SDK1: variants seen among roughly 807,000 people sequenced by gnomAD.
The protein encoded by SDK1 is sidekick cell adhesion molecule 1.
In SDK1, 157 loss-of-function variants were observed where a neutral mutation model predicts 245.5. That is an observed-to-expected ratio of 0.64 (90% confidence interval 0.56 to 0.73). SDK1 has a LOEUF of 0.73. SDK1 is among the 30% of genes least tolerant of loss of function. The pLI is 0.00. For missense variants in SDK1, 3,583 were observed against 3,002.3 expected (o/e 1.19, Z -4.52); for synonymous variants, 1,647 against 1,278.5 (o/e 1.29, Z -6.15).
intron 28 of SDK1, among the ~76,000 whole-genome samples, chr7:4,138,003 A>T (rs1779208965): frequency 6.6e-6 from 1 of 152,214 alleles, no homozygotes; most frequent in South Asian, 2.1e-4. Context: ...ATAGGCATTC[A>T]TCTTTATGTT....
chr7:4,145,453 G>A (rs10266799), intron 28 of SDK1, among the ~76,000 whole-genome samples: 6,320 of 152,218 alleles, frequency 0.042, 427 homozygotes, highest in African/African-American at 0.14. Context: ...TGCTCGCCTC[G>A]TGCCCGCATC....
chr7:3,573,412 T>C (rs560018098), intron 1 of SDK1, among the ~76,000 whole-genome samples: 1 of 152,188 alleles, frequency 6.6e-6, no homozygotes, highest in Non-Finnish European at 1.5e-5. Context: ...GGATGATTTA[T>C]CAGCAGAAAA....
intron 1 of SDK1, among the ~76,000 whole-genome samples, chr7:3,454,193 T>C (rs1780604357): frequency 6.6e-6 from 1 of 152,096 alleles, no homozygotes; most frequent in Admixed American, 6.5e-5. Flanking sequence ...CACCATACAG[T>C]AAGAATACAT....
chr7:3,635,888 TAG>T (rs1466950062), intron 2 of SDK1, among the ~76,000 whole-genome samples: 3 of 152,180 alleles, frequency 2.0e-5, no homozygotes, highest in Non-Finnish European at 4.4e-5. Flanking sequence ...GTATTTTTTG[TAG>T]AGAGACGGTT....
chr7:3,527,071 C>G (rs184407594), intron 1 of SDK1, among the ~76,000 whole-genome samples: 119 of 152,256 alleles, frequency 7.8e-4, no homozygotes, highest in African/African-American at 2.6e-3. Flanking sequence ...CTAGTGGTCA[C>G]CAGCCCTGCT....
At chr7:3,757,275 T>A (rs116783008) in intron 4 of SDK1, among the ~76,000 whole-genome samples, 1 of 152,178 alleles carries the variant, frequency 6.6e-6, no homozygotes, top group Admixed American at 6.5e-5. Context: ...AGGAAGTCAC[T>A]TTACTTACTT....
intron 42 of SDK1, among the ~76,000 whole-genome samples, chr7:4,238,963 C>T (rs1055323603): frequency 2.6e-5 from 4 of 152,152 alleles, no homozygotes; most frequent in Non-Finnish European, 1.5e-5. Context: ...TGATGTTTTG[C>T]TGTGGCTCAG....
chr7:4,211,469 T>C (rs1328494744), intron 38 of SDK1, among the ~76,000 whole-genome samples: 1 of 151,700 alleles, frequency 6.6e-6, no homozygotes. Flanking sequence ...GGGGTGTGTA[T>C]TGAAGGTGGA....
intron 22 of SDK1, among the ~76,000 whole-genome samples, chr7:4,082,130 AG>A (rs1348248535): frequency 6.6e-6 from 1 of 151,930 alleles, no homozygotes; most frequent in African/African-American, 2.4e-5. Flanking sequence ...AGTGACTGGG[AG>A]GGGGCCACCT....
chr7:3,429,732 G>A (rs944515878), intron 1 of SDK1, among the ~76,000 whole-genome samples: 1 of 151,782 alleles, frequency 6.6e-6, no homozygotes, highest in African/African-American at 2.4e-5. Flanking sequence ...GAGTAGCTGG[G>A]ATTACAGGTG....
At chr7:3,776,014 A>G (rs539680112) in intron 4 of SDK1, among the ~76,000 whole-genome samples, 2 of 152,372 alleles carry the variant, frequency 1.3e-5, no homozygotes, top group South Asian at 4.1e-4. Context: ...AATCACGTGT[A>G]ACGTATTTCC....
At chr7:3,357,017 T>A (rs1164867177) in intron 1 of SDK1, among the ~76,000 whole-genome samples, 1 of 130,960 alleles carries the variant, frequency 7.6e-6, no homozygotes, top group Non-Finnish European at 1.5e-5. Context: ...ATAGTGCCAC[T>A]GCACTCCAGC....
intron 4 of SDK1, among the ~76,000 whole-genome samples, chr7:3,763,875 C>T (rs554818427): frequency 6.6e-6 from 1 of 152,080 alleles, no homozygotes; most frequent in Admixed American, 6.5e-5. Flanking sequence ...CATGATTTTA[C>T]GAATGTATGC....
At chr7:3,731,489 G>A (rs577896572) in intron 4 of SDK1, among the ~76,000 whole-genome samples, 1 of 152,264 alleles carries the variant, frequency 6.6e-6, no homozygotes, top group Non-Finnish European at 1.5e-5. Context: ...GCCAGATGAC[G>A]TTTCTTCTGC....
At chr7:3,893,336 C>G (rs867621759) in intron 5 of SDK1, among the ~76,000 whole-genome samples, 1 of 151,982 alleles carries the variant, frequency 6.6e-6, no homozygotes, top group Non-Finnish European at 1.5e-5. Context: ...TCAGGATGGC[C>G]GGGGGGAGGA....
At chr7:3,795,212 G>T (rs1375322499) in intron 4 of SDK1, among the ~76,000 whole-genome samples, 3 of 152,126 alleles carry the variant, frequency 2.0e-5, no homozygotes, top group Non-Finnish European at 4.4e-5. Flanking sequence ...ACTCAGACAT[G>T]TCTGTTTTAC....
At chr7:4,016,355 T>A (rs1211366217) in intron 16 of SDK1, among the ~76,000 whole-genome samples, 1 of 152,208 alleles carries the variant, frequency 6.6e-6, no homozygotes, top group African/African-American at 2.4e-5. Context: ...TGCCCCTGGC[T>A]TTACCCAGAG....
chr7:3,550,197 A>AT (rs1378065866), intron 1 of SDK1, among the ~76,000 whole-genome samples: 1 of 152,162 alleles, frequency 6.6e-6, no homozygotes, highest in Non-Finnish European at 1.5e-5. Context: ...TACATATATA[A>AT]TTGAGATAGC....
In SDK1 at chr7:4,267,302, C is replaced by T. The variant is rs765748824; in HGVS notation, c.*1918C>T. On this transcript the variant is annotated 3_prime_UTR_variant, in exon 45 of 45. Transcript: ENST00000404826. The stretch of plus-strand genomic sequence containing the variant: ...CCTCTCTTTCCTCCTTCCTTCCCTC[C>T]CTTCTTTCCCTCCCTCCCTTCCTCT... 12 of 753,396 alleles carry T rather than the reference C, an allele frequency of 1.6e-5. No homozygotes were observed. The highest frequency in any genetic ancestry group is 1.9e-5 in the Non-Finnish European group (12 of 619,682). The allele number at this position is 753,396 out of a possible 1,614,324, so 46.7% of individuals were successfully genotyped here.
Sources: gnomAD v4.1 joint callset for allele counts (sites outside exome capture counted in the v4.1 genomes callset) on GRCh38, gnomAD v4.1.1 for gene constraint, MANE v1.5 for transcripts, NCBI Gene and HGNC (gene_info 2026-07-23, HGNC 2026-07-21) for gene names.